Variants in HMCN2 observed in about 807,000 individuals in gnomAD.
HMCN2 encodes hemicentin 2.
HMCN2 carries 325 observed loss-of-function variants against 377.5 expected under a neutral mutation model. That is an observed-to-expected ratio of 0.86 (90% CI 0.79 to 0.94). The LOEUF is 0.94. Ranked by LOEUF, HMCN2 falls within the 40% of genes least tolerant of loss-of-function variation. The probability of loss-of-function intolerance (pLI) is 0.00; values close to 1 mark genes in which losing one functional copy is unlikely to be tolerated. For missense variants in HMCN2, 4,543 were observed against 4,725.3 expected (o/e 0.96, Z 1.13); for synonymous variants, 2,007 against 2,046.8 (o/e 0.98, Z 0.53).
rs929106501 is a variant in HMCN2 at position 130,432,492 on chromosome 9, G to T, written c.14831G>T (p.Arg4944Leu). 2.6e-6 allele frequency: 4 copies of T among 1,550,722 alleles called. No homozygotes were observed. The East Asian group carries it at 9.8e-5, about 38-fold the overall frequency. The part of the protein sequence containing the change: ...CGPGQMCFNT[R>L]GSYQCVDTPC... ...CCCGGCCAGATGTGCTTCAACACCC[G>T]TGGCAGCTACCAGTGTGTGGACACA... Residue 4944 changes from arginine to leucine, a missense_variant, in exon 97 of 98, where the codon CGT (arginine) becomes CTT (leucine). By Grantham distance (102) the Arg-to-Leu change is moderately radical. Transcript: ENST00000683500.
At position 130,308,511 on chromosome 9, in the gene HMCN2, A is replaced by G. The variant is rs1837026834; in HGVS notation, c.2200+945A>G. Among the ~76,000 whole-genome samples, 1 of 152,166 alleles carries G rather than the reference A, an allele frequency of 6.6e-6. No individual in the cohort carries two copies. Among genetic ancestry groups the G allele is most frequent in the Non-Finnish European group, 1.5e-5 (1 of 68,036 alleles). ...TCCCTCTCGAGGGTCAACCGGGGTC[A>G]GCAATACTGTCCCCTCCCATTCCTT... On this transcript the variant is annotated intron_variant, in intron 14 of 97. Transcript: ENST00000683500. This position sits in a 1 kb window ranked among gnomAD's most constrained non-coding sequence, Gnocchi z 4.1.
intron 23 of HMCN2, among the ~76,000 whole-genome samples, chr9:130,339,894 T>A (rs957438381): frequency 0.044 from 6,724 of 152,256 alleles, 302 homozygotes; most frequent in East Asian, 0.22. Flanking sequence ...TCCAGGACAC[T>A]TGTCCCAGTG....
Position 130,430,387 on chromosome 9 carries a change from C to T in HMCN2, c.14430C>T (p.Arg4810=), listed in dbSNP as rs1379822056. The change falls in exon 95 of 98, where the codon CGC becomes CGT. Residue 4810 remains arginine (R), a synonymous_variant. Coordinates refer to ENST00000683500, the MANE Select transcript of HMCN2 (RefSeq NM_001291815.2). ...CLCPPGQTLL[R]DGKACTSLER... is the part of the protein sequence containing the mutation. ...GCCCCCCAGGCCAGACCCTCCTTCGCGACGGCAAGGCCTGCACCTCACTGG... is the reference window on the plus strand; with the variant it reads ...GCCCCCCAGGCCAGACCCTCCTTCGTGACGGCAAGGCCTGCACCTCACTGG... 1.0e-5 allele frequency: 16 copies of T among 1,550,170 alleles called. No homozygotes were observed. The highest frequency in any genetic ancestry group is 2.4e-5 in the East Asian group (1 of 40,912).
intron 29 of HMCN2, 28 bp downstream of exon 29, chr9:130,349,691 G>A (rs149781866): frequency 2.5e-5 from 32 of 1,296,462 alleles, no homozygotes; most frequent in East Asian, 5.6e-5. Context: ...CGAGGATGGC[G>A]TGTGGTGGTG....
chr9:130,426,197 A>C (rs1319161796), intron 90 of HMCN2, among the ~76,000 whole-genome samples: 2 of 151,552 alleles, frequency 1.3e-5, no homozygotes, highest in Admixed American at 1.3e-4. Context: ...AGGTCCAACC[A>C]CCCCAGGCTG....
At position 130,401,693 on chromosome 9, in the gene HMCN2, A is replaced by G. The variant is rs1201075273; in HGVS notation, c.11770+746A>G. Among the ~76,000 whole-genome samples, 7 of 152,280 alleles carry G rather than the reference A, an allele frequency of 4.6e-5. No individual in the cohort carries two copies. The South Asian group carries it at 6.2e-4, about 14-fold the overall frequency. On this transcript the variant is annotated intron_variant, in intron 77 of 97. Coordinates refer to ENST00000683500, the MANE Select transcript of HMCN2 (RefSeq NM_001291815.2). ...TTGGAAGCTTTATGGAGAGTCTCCA[A>G]ATTTATTTGTTAGTTCGTTAGCGAA...
chr9:130,269,954 A>C (rs1279479497), intron 1 of HMCN2, among the ~76,000 whole-genome samples: 1 of 147,392 alleles, frequency 6.8e-6, no homozygotes. Flanking sequence ...GGGACTACAG[A>C]TGCGTGCCAC....
chr9:130,287,048 C>T (rs1224204672), intron 4 of HMCN2, among the ~76,000 whole-genome samples: 4 of 152,180 alleles, frequency 2.6e-5, no homozygotes, highest in African/African-American at 7.2e-5. Context: ...CAAGCACACC[C>T]ATTTCCGTGG....
At chr9:130,267,436 AC>A (rs1834172024) in intron 1 of HMCN2, among the ~76,000 whole-genome samples, 1 of 5,578 alleles carries the variant, frequency 1.8e-4, no homozygotes, top group Non-Finnish European at 5.4e-4. Flanking sequence ...CCCAAATAAA[AC>A]ACACACACAC....
intron 31 of HMCN2, among the ~76,000 whole-genome samples, chr9:130,353,696 G>C (rs1190003560): frequency 1.3e-5 from 2 of 152,232 alleles, no homozygotes. Flanking sequence ...ACCCCTAGGA[G>C]GTGGTGGAAC....
chr9:130,339,472 G>A (rs901302345), intron 23 of HMCN2, among the ~76,000 whole-genome samples: 3,283 of 152,300 alleles, frequency 0.022, 123 homozygotes, highest in African/African-American at 0.075. Flanking sequence ...GCCTGGGGGT[G>A]TGAGAGAGAC....
chr9:130,302,134 C>G (rs549364938), intron 8 of HMCN2, among the ~76,000 whole-genome samples: 1 of 152,018 alleles, frequency 6.6e-6, no homozygotes, highest in Non-Finnish European at 1.5e-5. Context: ...CTCCGCCTCC[C>G]GGATCCCAGT....
chr9:130,433,304 C>G, intron 97 of HMCN2, 44 bp from the exon 98 acceptor site: 1 of 1,371,648 alleles, frequency 7.3e-7, no homozygotes, highest in Non-Finnish European at 9.4e-7. Flanking sequence ...ACGCTCCGAC[C>G]GCACCCCCGA....
chr9:130,395,132 G>A (rs1285999448), intron 70 of HMCN2, 24 bp downstream of exon 70: 1 of 793,492 alleles, frequency 1.3e-6, no homozygotes. Context: ...GTGGGGTGGG[G>A]GCAGGGCCGG....
Position 130,384,820 on chromosome 9 carries a change from A to G in HMCN2, c.9106+22A>G, listed in dbSNP as rs6597636. 3,019 of 1,273,940 alleles carry G rather than the reference A, an allele frequency of 2.4e-3. 56 individuals are homozygous for G. In the African/African-American group the frequency reaches 0.041, roughly 17 times the overall value. The allele number at this position is 1,273,940 out of a possible 1,614,324, so 78.9% of individuals were successfully genotyped here. ...CTGGGTATGTCCATGTCTGTCCCCAACTTGTACTGTCCCCACTCCTTCAGT... is the reference window on the plus strand; with the variant it reads ...CTGGGTATGTCCATGTCTGTCCCCAGCTTGTACTGTCCCCACTCCTTCAGT... On this transcript the variant is annotated intron_variant, in intron 59 of 97. Coordinates refer to ENST00000683500, the MANE Select transcript of HMCN2 (RefSeq NM_001291815.2).
rs1415998047 is a variant in HMCN2, at chr9:130,334,830, TCTCCCTCC to T, written c.3360-3052_3360-3045del. ...TCTCTCTCTCTCCTCTCTCTCTCTC[TCTCCCTCC>T]CTCCCTCCCTCACCCTTTATTTTTC... On this transcript the variant is annotated intron_variant, in intron 22 of 97. Transcript: ENST00000683500. Among the ~76,000 whole-genome samples, 9 of 148,870 alleles carry T rather than the reference TCTCCCTCC, an allele frequency of 6.0e-5. No individual in the cohort carries two copies. The South Asian group carries it at 8.8e-4, about 15-fold the overall frequency.
rs1554918874 is a variant in HMCN2 at position 130,266,108 on chromosome 9, A to T, written c.230A>T (p.Asn77Ile). ...SLSRRSQAIA[N>I]YALVPFHDPD... ...AGCCGCCGCAGCCAGGCCATCGCCA[A>T]CTACGCGCTGGTGCCCTTCCACGAC... Residue 77 changes from asparagine to isoleucine, a missense_variant, in exon 1 of 98, where the codon AAC becomes ATC. Coordinates refer to ENST00000683500, the MANE Select transcript of HMCN2 (RefSeq NM_001291815.2). 1 of 469,130 alleles carries T rather than the reference A, an allele frequency of 2.1e-6. No homozygotes were observed. Among genetic ancestry groups the T allele is most frequent in the Non-Finnish European group, 4.4e-6 (1 of 226,976 alleles). 29.1% of individuals were successfully genotyped at this position (469,130 alleles called of 1,614,324 possible).
At chr9:130,321,149 C>T in intron 18 of HMCN2, among the ~76,000 whole-genome samples, 1 of 152,172 alleles carries the variant, frequency 6.6e-6, no homozygotes, top group East Asian at 1.9e-4. Flanking sequence ...CTCTGCAGGG[C>T]AATCGTGTGC....
intron 1 of HMCN2, among the ~76,000 whole-genome samples, chr9:130,268,587 C>CG (rs1834245688): frequency 6.8e-6 from 1 of 147,018 alleles, no homozygotes. Context: ...TAAGGAAAGA[C>CG]CCCCCCCTGA....
Sources: gnomAD v4.1 joint callset for allele counts (sites outside exome capture counted in the v4.1 genomes callset) on GRCh38, gnomAD v4.1.1 for gene constraint, Gnocchi (gnomAD v3.1) non-coding constraint, MANE v1.5 for transcripts, NCBI Gene and HGNC (gene_info 2026-07-23, HGNC 2026-07-21) for gene names.